ST6GALNAC3: variants seen among roughly 807,000 people sequenced by gnomAD.
The protein encoded by ST6GALNAC3 is ST6 N-acetylgalactosaminide alpha-2,6-sialyltransferase 3.
ST6GALNAC3 carries 25 observed loss-of-function variants against 32.7 expected under a neutral mutation model. The observed-to-expected ratio is 0.76, with a 90% CI of 0.56 to 1.07. The LOEUF (loss-of-function observed/expected upper bound fraction) is 1.07, where lower values mean the gene tolerates loss of function less well. ST6GALNAC3 is among the 50% of genes least tolerant of loss of function. The pLI, the probability that ST6GALNAC3 is intolerant of heterozygous loss-of-function variation, is 0.00. For synonymous variants in ST6GALNAC3, 129 were observed against 133.1 expected, an observed-to-expected ratio of 0.97 and a Z score of 0.21; for missense variants, 355 against 382.4, an observed-to-expected ratio of 0.93 and a Z score of 0.60.
At chr1:76,372,108 TG>T in intron 2 of ST6GALNAC3, among the ~76,000 whole-genome samples, 1 of 152,270 alleles carries the variant, frequency 6.6e-6, no homozygotes, top group East Asian at 1.9e-4. Flanking sequence ...TTTTTTATTT[TG>T]GCATGTGAGA....
chr1:76,084,955 T>G (rs1348610470), intron 1 of ST6GALNAC3, among the ~76,000 whole-genome samples: 1 of 152,202 alleles, frequency 6.6e-6, no homozygotes, highest in Non-Finnish European at 1.5e-5. Flanking sequence ...ATTTGACAGA[T>G]GACAAAACTC....
chr1:76,107,037 A>G (rs2100791165), intron 1 of ST6GALNAC3, among the ~76,000 whole-genome samples: 1 of 152,304 alleles, frequency 6.6e-6, no homozygotes, highest in South Asian at 2.1e-4. Context: ...CTGTTCAGTC[A>G]TGAGTTTATG....
At chr1:76,547,716 C>T (rs1043558164) in intron 3 of ST6GALNAC3, among the ~76,000 whole-genome samples, 5 of 151,764 alleles carry the variant, frequency 3.3e-5, no homozygotes, top group Non-Finnish European at 2.9e-5. Flanking sequence ...TAGCTGGGTG[C>T]GGTGGCAGGT....
chr1:76,254,856 G>A (rs1435999455), intron 1 of ST6GALNAC3, among the ~76,000 whole-genome samples: 1 of 152,014 alleles, frequency 6.6e-6, no homozygotes, highest in African/African-American at 2.4e-5. Context: ...TGGCAGAAGA[G>A]TGGTTTTCAT....
chr1:76,458,180 A>G (rs1413361942), intron 3 of ST6GALNAC3, among the ~76,000 whole-genome samples: 14 of 130,884 alleles, frequency 1.1e-4, no homozygotes, highest in Non-Finnish European at 2.0e-4. Flanking sequence ...CAAAACCACA[A>G]TGAGATACCA....
intron 1 of ST6GALNAC3, among the ~76,000 whole-genome samples, chr1:76,166,265 C>T (rs1557666872): frequency 6.6e-6 from 1 of 152,118 alleles, no homozygotes; most frequent in Non-Finnish European, 1.5e-5. Flanking sequence ...ATAGGGAATC[C>T]TTTCCCCATT....
intron 1 of ST6GALNAC3, among the ~76,000 whole-genome samples, chr1:76,278,889 C>A (rs1422410703): frequency 1.3e-5 from 2 of 152,138 alleles, no homozygotes; most frequent in East Asian, 3.9e-4. Context: ...CAAAATAGTT[C>A]TGTTCATCGC....
At chr1:76,137,004 A>G (rs1649988763) in intron 1 of ST6GALNAC3, among the ~76,000 whole-genome samples, 1 of 152,200 alleles carries the variant, frequency 6.6e-6, no homozygotes, top group South Asian at 2.1e-4. Flanking sequence ...CAGTCTTTAA[A>G]TAAGAAAGCC....
At chr1:76,494,101 C>G (rs576015677) in intron 3 of ST6GALNAC3, among the ~76,000 whole-genome samples, 4 of 151,950 alleles carry the variant, frequency 2.6e-5, no homozygotes, top group African/African-American at 9.7e-5. Context: ...TACCCAATCT[C>G]GGCAGCAGGA....
chr1:76,279,498 G>A (rs1161360099), intron 1 of ST6GALNAC3, among the ~76,000 whole-genome samples: 1 of 152,244 alleles, frequency 6.6e-6, no homozygotes, highest in Non-Finnish European at 1.5e-5. Flanking sequence ...CGCGGGTGGG[G>A]GGAATGTTGT....
chr1:76,230,377 A>T (rs1438960963), intron 1 of ST6GALNAC3, among the ~76,000 whole-genome samples: 1 of 152,212 alleles, frequency 6.6e-6, no homozygotes, highest in Non-Finnish European at 1.5e-5. Context: ...GAGCTTTAAT[A>T]GGATGAAAGA....
chr1:76,148,352 C>T (rs1471283692), intron 1 of ST6GALNAC3, among the ~76,000 whole-genome samples: 3 of 152,130 alleles, frequency 2.0e-5, no homozygotes, highest in African/African-American at 4.8e-5. Flanking sequence ...GAATGTTCTA[C>T]GAATTCAGAT....
At chr1:76,303,017 A>G (rs1660817258) in intron 1 of ST6GALNAC3, among the ~76,000 whole-genome samples, 1 of 137,068 alleles carries the variant, frequency 7.3e-6, no homozygotes, top group Non-Finnish European at 1.6e-5. Context: ...TGTTCACCTC[A>G]TGTAAATGAA....
chr1:76,416,632 T>TG (rs1557869262), intron 3 of ST6GALNAC3, among the ~76,000 whole-genome samples: 1 of 138,098 alleles, frequency 7.2e-6, no homozygotes, highest in Non-Finnish European at 1.6e-5. Flanking sequence ...GTTTTGTTTT[T>TG]TTTTTTTTTT....
chr1:76,205,190 C>CT (rs1435011193), intron 1 of ST6GALNAC3, among the ~76,000 whole-genome samples: 1 of 152,206 alleles, frequency 6.6e-6, no homozygotes, highest in Non-Finnish European at 1.5e-5. Context: ...CCCTAAAGAA[C>CT]TTATGCAGTT....
At chr1:76,561,868 T>C (rs976919756) in intron 3 of ST6GALNAC3, among the ~76,000 whole-genome samples, 1 of 152,228 alleles carries the variant, frequency 6.6e-6, no homozygotes. Flanking sequence ...GTCTGTCAAC[T>C]GATTAATGGA....
intron 3 of ST6GALNAC3, among the ~76,000 whole-genome samples, chr1:76,432,046 G>A (rs961126583): frequency 3.3e-5 from 5 of 151,878 alleles, no homozygotes; most frequent in Non-Finnish European, 7.4e-5. Flanking sequence ...TAATTGTTTT[G>A]CCTTTTCTAG....
In ST6GALNAC3 at chr1:76,531,895, G is replaced by C. The variant is rs531173555; in HGVS notation, c.624-95557G>C. 2.0e-5 allele frequency among the ~76,000 whole-genome samples: 3 copies of C among 152,220 alleles called. No individual in the cohort carries two copies. In the East Asian group the frequency reaches 5.8e-4, roughly 29 times the overall value. ...TGCGGCGCTCCCTAGGTGTGTCAGA[G>C]ACATCCTGGGGCATGTGGAAAGTGA... is the stretch of plus-strand genomic sequence containing the variant. On this transcript the variant is annotated intron_variant, in intron 3 of 4. Coordinates refer to ENST00000328299, the MANE Select transcript of ST6GALNAC3 (RefSeq NM_152996.4).
intron 3 of ST6GALNAC3, among the ~76,000 whole-genome samples, chr1:76,416,166 G>A (rs746869136): frequency 6.6e-6 from 1 of 151,650 alleles, no homozygotes; most frequent in Non-Finnish European, 1.5e-5. Flanking sequence ...CATTTGAATG[G>A]CAAACATTTA....
Sources: gnomAD v4.1 joint callset for allele counts (sites outside exome capture counted in the v4.1 genomes callset) on GRCh38, gnomAD v4.1.1 for gene constraint, MANE v1.5 for transcripts, NCBI Gene and HGNC (gene_info 2026-07-23, HGNC 2026-07-21) for gene names.